FHL2: variants seen among roughly 807,000 people sequenced by gnomAD.
FHL2 encodes the protein four and a half LIM domains 2.
Under a neutral mutation model 32.7 loss-of-function variants are expected in FHL2, and 20 were observed. That is an observed-to-expected ratio of 0.61 (90% CI 0.43 to 0.89). The LOEUF (loss-of-function observed/expected upper bound fraction) is 0.89. Ranked by LOEUF, FHL2 falls within the 40% of genes least tolerant of loss-of-function variation. The pLI is 0.00. For missense variants in FHL2, 311 were observed against 358.6 expected, an observed-to-expected ratio of 0.87 and a Z score of 1.07; for synonymous variants, 123 against 128.1, an observed-to-expected ratio of 0.96 and a Z score of 0.27.
At chr2:105,428,272 G>A (rs923159197) in intron 1 of FHL2, among the ~76,000 whole-genome samples, 3 of 152,232 alleles carry the variant, frequency 2.0e-5, no homozygotes, top group African/African-American at 7.2e-5. Flanking sequence ...ACCCATAGGT[G>A]AGGTCTGGAC....
At chr2:105,363,612 T>C (rs555422474) in intron 5 of FHL2, 141 bp from the exon 6 acceptor site, 1 of 768,200 alleles carries the variant, frequency 1.3e-6, no homozygotes, top group Non-Finnish European at 2.1e-6. Context: ...CTTTACAAAC[T>C]TCACAGTCAC....
upstream of FHL2, among the ~76,000 whole-genome samples, chr2:105,403,965 TAGGC>T (rs1162587861): frequency 6.6e-6 from 1 of 152,196 alleles, no homozygotes. Context: ...GCAGGGCTTC[TAGGC>T]GTGTGCTCGC....
upstream of FHL2, among the ~76,000 whole-genome samples, chr2:105,402,021 A>G (rs1211864599): frequency 6.6e-6 from 1 of 150,558 alleles, no homozygotes; most frequent in Admixed American, 6.7e-5. Context: ...ATATATACGT[A>G]TATATACACG....
intron 3 of FHL2, among the ~76,000 whole-genome samples, chr2:105,383,560 C>A (rs975278444): frequency 3.9e-5 from 6 of 152,156 alleles, no homozygotes; most frequent in African/African-American, 1.4e-4. Flanking sequence ...TTCCCATAGG[C>A]ATGCCAACAT....
intron 1 of FHL2, among the ~76,000 whole-genome samples, chr2:105,411,188 G>A (rs1683777482): frequency 6.6e-6 from 1 of 152,148 alleles, no homozygotes; most frequent in South Asian, 2.1e-4. Flanking sequence ...TCAAAAAACT[G>A]ATTCTAAAAT....
At chr2:105,417,572 T>A (rs1345884608) in intron 1 of FHL2, among the ~76,000 whole-genome samples, 1 of 150,262 alleles carries the variant, frequency 6.7e-6, no homozygotes, top group Non-Finnish European at 1.5e-5. Flanking sequence ...TAGTCCCAGC[T>A]ACTCAGGAGG....
At chr2:105,386,717 T>C in intron 2 of FHL2, among the ~76,000 whole-genome samples, 177 bp from the exon 3 acceptor site, 1 of 152,164 alleles carries the variant, frequency 6.6e-6, no homozygotes, top group South Asian at 2.1e-4. Context: ...AACACCTTTT[T>C]TCATTAGCTA....
chr2:105,437,194 A>G (rs1459349834), intron 1 of FHL2, among the ~76,000 whole-genome samples: 1 of 152,224 alleles, frequency 6.6e-6, no homozygotes, highest in Non-Finnish European at 1.5e-5. Context: ...TTTTTAATAT[A>G]AGAAAATGCC....
At position 105,368,008 on chromosome 2, in the gene FHL2, G is replaced by A. The variant is rs17030823; in HGVS notation, c.332-269C>T. On this transcript the variant is annotated intron_variant, in intron 4 of 6. Transcript: ENST00000530340. ...TTTATTTATTGAATACCGTGGTTAG[G>A]AATGTTAAATCTAAAAAAAGTTAAG... 1.1e-3 allele frequency among the ~76,000 whole-genome samples: 163 copies of A among 152,298 alleles called. 2 individuals are homozygous for A. In the East Asian group the frequency reaches 0.031, roughly 29 times the overall value.
At chr2:105,431,342 T>C (rs1684425041) in intron 1 of FHL2, among the ~76,000 whole-genome samples, 1 of 152,226 alleles carries the variant, frequency 6.6e-6, no homozygotes, top group African/African-American at 2.4e-5. Context: ...TGTAGGTGGA[T>C]GTGTATATGT....
chr2:105,401,064 CTTTTTTTT>C (rs10561053), upstream of FHL2, among the ~76,000 whole-genome samples: 4 of 125,536 alleles, frequency 3.2e-5, no homozygotes, highest in Admixed American at 8.1e-5. Flanking sequence ...TTATTGGATT[CTTTTTTTT>C]TTTTTTTTTT....
rs76306732 is a variant in FHL2, at chr2:105,380,757, T to C, written c.156+5604A>G. Among the ~76,000 whole-genome samples, 1,213 of 152,184 alleles carry C rather than the reference T, an allele frequency of 8.0e-3. 14 individuals carry two copies. The highest frequency in any genetic ancestry group is 0.027 in the African/African-American group (1,141 of 41,514). ...ATGGAAATATCCGGTTTTAAATTCC[T>C]CTAGAGAGAAATTGAAAACAAAAAG... On this transcript the variant is annotated intron_variant, in intron 3 of 6. Coordinates refer to ENST00000530340, the MANE Select transcript of FHL2 (RefSeq NM_001318895.3).
chr2:105,367,788 G>A (rs535709749), intron 4 of FHL2, 49 bp from the exon 5 acceptor site: 182 of 1,562,726 alleles, frequency 1.2e-4, no homozygotes, highest in Non-Finnish European at 1.4e-4. Context: ...TTAGAGGGGT[G>A]TGGAGTCCCA....
intron 4 of FHL2, among the ~76,000 whole-genome samples, chr2:105,370,786 C>T (rs1301123385): frequency 6.6e-6 from 1 of 152,180 alleles, no homozygotes; most frequent in Non-Finnish European, 1.5e-5. Context: ...AGACGCCCTG[C>T]CTTTGGTGCC....
At chr2:105,430,805 G>A (rs975825602) in intron 1 of FHL2, among the ~76,000 whole-genome samples, 1 of 152,200 alleles carries the variant, frequency 6.6e-6, no homozygotes, top group Non-Finnish European at 1.5e-5. Context: ...CCCTGTGTCT[G>A]GGAGAAAAGA....
At chr2:105,413,616 G>T (rs1683856631) in intron 1 of FHL2, among the ~76,000 whole-genome samples, 1 of 152,112 alleles carries the variant, frequency 6.6e-6, no homozygotes, top group Non-Finnish European at 1.5e-5. Context: ...TGGGACCACA[G>T]GTGCTCCACC....
intron 1 of FHL2, among the ~76,000 whole-genome samples, chr2:105,430,967 A>T (rs530813067): frequency 6.6e-6 from 1 of 152,342 alleles, no homozygotes; most frequent in East Asian, 1.9e-4. Flanking sequence ...AAAAATGGAC[A>T]GTTTTCTCTT....
intron 2 of FHL2, among the ~76,000 whole-genome samples, chr2:105,386,966 T>G (rs1682369872): frequency 1.3e-5 from 2 of 152,056 alleles, no homozygotes; most frequent in South Asian, 4.1e-4. Flanking sequence ...GGTTTTACCA[T>G]GTTGGCTAGG....
At chr2:105,369,549 CT>C (rs918427551) in intron 4 of FHL2, among the ~76,000 whole-genome samples, 1 of 152,154 alleles carries the variant, frequency 6.6e-6, no homozygotes, top group African/African-American at 2.4e-5. Context: ...ACGCAGCGAT[CT>C]TTTAATTCAA....
Sources: gnomAD v4.1 joint callset for allele counts (sites outside exome capture counted in the v4.1 genomes callset) on GRCh38, gnomAD v4.1.1 for gene constraint, MANE v1.5 for transcripts, NCBI Gene and HGNC (gene_info 2026-07-23, HGNC 2026-07-21) for gene names.